The following TNRC6B variants were observed in gnomAD, a reference collection of about 807,000 sequenced individuals.
TNRC6B encodes trinucleotide repeat-containing gene 6B protein.
TNRC6B carries 52 observed loss-of-function variants against 203.6 expected under a neutral mutation model. The observed-to-expected ratio is 0.26, with a 90% CI of 0.20 to 0.32. The LOEUF (loss-of-function observed/expected upper bound fraction) is 0.32, where lower values mean the gene tolerates loss of function less well. Ranked by LOEUF, TNRC6B falls within the 10% of genes least tolerant of loss-of-function variation. The probability of loss-of-function intolerance (pLI) is 1.00; values close to 1 mark genes in which losing one functional copy is unlikely to be tolerated. For missense variants in TNRC6B, 1,923 were observed against 2,286.2 expected (o/e 0.84, Z 3.24); for synonymous variants, 838 against 845.7 (o/e 0.99, Z 0.16).
intron 11 of TNRC6B, 74 bp downstream of exon 11, chr22:40,281,363 C>G: frequency 7.9e-7 from 1 of 1,272,536 alleles, no homozygotes; most frequent in Non-Finnish European, 1.0e-6. Flanking sequence ...TTTATTGCAT[C>G]ATTTGTCTGT....
intron 3 of TNRC6B, among the ~76,000 whole-genome samples, chr22:40,132,943 CAAAAAAAA>C (rs71199270): frequency 1.8e-3 from 43 of 23,868 alleles, no homozygotes; most frequent in African/African-American, 2.9e-3. Flanking sequence ...GACTCTGTCT[CAAAAAAAA>C]AAAAAAAAAA....
intron 1 of TNRC6B, among the ~76,000 whole-genome samples, chr22:40,116,330 T>G (rs1002857718): frequency 2.7e-4 from 41 of 152,254 alleles, no homozygotes; most frequent in African/African-American, 9.4e-4. Context: ...TTGAGGAGCA[T>G]TCCTTCTGCG....
At chr22:40,310,261 G>A (rs549676250) in intron 16 of TNRC6B, among the ~76,000 whole-genome samples, 1 of 152,246 alleles carries the variant, frequency 6.6e-6, no homozygotes, top group Admixed American at 6.5e-5. Context: ...AAGACCCTAG[G>A]CGGGAATTCC....
rs149517250 is a variant in TNRC6B, at chr22:40,228,035, G to A, written c.6-17980G>A. Reference sequence around the variant, plus strand: ...TCCTCATCTTCTTTTTAGTTTCTTCGCTGTCAAGTGCTGACGGTAGAGTGC... The same window carrying A: ...TCCTCATCTTCTTTTTAGTTTCTTCACTGTCAAGTGCTGACGGTAGAGTGC... On this transcript the variant is annotated intron_variant, in intron 1 of 22. Coordinates refer to ENST00000454349, the MANE Select transcript of TNRC6B (RefSeq NM_001162501.2). 1.5e-3 allele frequency among the ~76,000 whole-genome samples: 235 copies of A among 152,192 alleles called. 1 individual carries two copies. The highest frequency in any genetic ancestry group is 2.5e-3 in the Non-Finnish European group (171 of 68,020).
intron 21 of TNRC6B, among the ~76,000 whole-genome samples, chr22:40,318,184 T>G (rs926453069): frequency 2.0e-5 from 3 of 152,186 alleles, no homozygotes; most frequent in Admixed American, 1.3e-4. Flanking sequence ...AACAATTTCC[T>G]AAATACAGTT....
At chr22:40,321,946 C>G (rs1326888897) in intron 22 of TNRC6B, 1 of 152,338 alleles carries the variant, frequency 6.6e-6, no homozygotes. Flanking sequence ...CTTTGCCCAT[C>G]CCCTTCCCTG....
At chr22:40,283,007 G>A (rs1447270465) in intron 11 of TNRC6B, among the ~76,000 whole-genome samples, 4 of 151,650 alleles carry the variant, frequency 2.6e-5, no homozygotes, top group Non-Finnish European at 4.4e-5. Flanking sequence ...TTTTTCTCCC[G>A]TTTATTTTTC....
intron 1 of TNRC6B, among the ~76,000 whole-genome samples, chr22:40,078,402 T>TATAC (rs1435555026): frequency 1.3e-5 from 2 of 152,030 alleles, no homozygotes; most frequent in Non-Finnish European, 2.9e-5. Flanking sequence ...CACATGCCTG[T>TATAC]AGTCCCAGCT....
At chr22:40,164,543 A>G (rs1332445297) in intron 4 of TNRC6B, among the ~76,000 whole-genome samples, 1 of 151,244 alleles carries the variant, frequency 6.6e-6, no homozygotes, top group Non-Finnish European at 1.5e-5. Context: ...CGGGTGGATC[A>G]CCTGAGGTCA....
At position 40,197,606 on chromosome 22, in the gene TNRC6B, C is replaced by CT. The variant is rs10715847; in HGVS notation, c.5+19481dup. Among the ~76,000 whole-genome samples the CT allele has an allele frequency of 4.6e-3, 639 of 139,402 alleles. 3 individuals are homozygous for CT. The highest frequency in any genetic ancestry group is 0.019 in the East Asian group (90 of 4,784). The allele number at this position is 139,402 out of a possible 152,430, so 91.5% of individuals were successfully genotyped here. A position where few individuals can be genotyped will look rare whatever the true frequency, so the allele number is the denominator to read the frequency against. The stretch of plus-strand genomic sequence containing the variant: ...CCAGCCGAAAGGCGTTTTTCTTTTT[C>CT]TTTTTTTTTTTTTTTGAGACAAGTC... On this transcript the variant is annotated intron_variant, in intron 1 of 22. Coordinates refer to ENST00000454349, the MANE Select transcript of TNRC6B (RefSeq NM_001162501.2).
chr22:40,304,049 TA>T (rs1171719585), intron 15 of TNRC6B, among the ~76,000 whole-genome samples: 6 of 152,230 alleles, frequency 3.9e-5, no homozygotes, highest in African/African-American at 1.4e-4. Context: ...ATATAGAAAT[TA>T]AAAAATTTTT....
At chr22:40,057,531 G>T (rs896391528) in intron 1 of TNRC6B, among the ~76,000 whole-genome samples, 3 of 152,016 alleles carry the variant, frequency 2.0e-5, no homozygotes, top group Admixed American at 1.3e-4. Context: ...GACCTCAGGT[G>T]ATCCGCAGCC....
rs528600897 is a variant in TNRC6B at position 40,308,099 on chromosome 22, A to G, written c.4121-413A>G. On this transcript the variant is annotated intron_variant, in intron 15 of 22. Transcript: ENST00000454349. ...AAATACCTCCCTGAGGCCCTAGATC[A>G]CATCTTCCTTCTGCAAACCCTTTCC... Among the ~76,000 whole-genome samples, 13 of 152,218 alleles carry G rather than the reference A, an allele frequency of 8.5e-5. No homozygotes were observed. In the East Asian group the frequency reaches 1.5e-3, roughly 18 times the overall value.
intron 21 of TNRC6B, among the ~76,000 whole-genome samples, chr22:40,316,882 G>T (rs906111056): frequency 5.3e-5 from 8 of 152,204 alleles, no homozygotes; most frequent in African/African-American, 1.9e-4. Flanking sequence ...AAACCCACTA[G>T]AGAGTGGGTT....
At chr22:40,226,477 G>C (rs182533753) in intron 1 of TNRC6B, among the ~76,000 whole-genome samples, 1 of 152,136 alleles carries the variant, frequency 6.6e-6, no homozygotes, top group Non-Finnish European at 1.5e-5. Context: ...AGTAGATACC[G>C]TGTGATCTCA....
chr22:40,257,696 A>G (rs1221840908), intron 3 of TNRC6B, among the ~76,000 whole-genome samples: 2 of 151,938 alleles, frequency 1.3e-5, no homozygotes, highest in African/African-American at 4.8e-5. Flanking sequence ...AGCCTGGGCA[A>G]CAAGAGCGAA....
At chr22:40,236,098 C>T (rs1056940560) in intron 1 of TNRC6B, among the ~76,000 whole-genome samples, 1 of 152,196 alleles carries the variant, frequency 6.6e-6, no homozygotes, top group Non-Finnish European at 1.5e-5. Flanking sequence ...GATTTTGATA[C>T]GATCTGCCAA....
intron 1 of TNRC6B, among the ~76,000 whole-genome samples, chr22:40,183,798 G>A (rs542068100): frequency 7.2e-5 from 11 of 152,052 alleles, no homozygotes; most frequent in South Asian, 6.2e-4. Flanking sequence ...GGGTTCAAGC[G>A]ATGCTTTTGC....
At chr22:40,125,731 C>G in intron 2 of TNRC6B, 1 of 1,494,058 alleles carries the variant, frequency 6.7e-7, no homozygotes, top group Non-Finnish European at 8.9e-7. Context: ...ATTTTTTTGC[C>G]CTGAATTCCT....
Sources: allele counts gnomAD v4.1 joint callset (sites outside exome capture counted in the v4.1 genomes callset), GRCh38; gene constraint gnomAD v4.1.1; transcripts MANE v1.5; gene names NCBI Gene and HGNC (gene_info 2026-07-23, HGNC 2026-07-21).